Variants in CTNNA2 observed in about 807,000 individuals in gnomAD.
The protein encoded by CTNNA2 is catenin alpha 2, also known as catenin alpha-2.
A neutral mutation model predicts 101.0 loss-of-function variants in CTNNA2; 42 were observed. The ratio of observed to expected loss-of-function variants is 0.42; its 90% confidence interval spans 0.32 to 0.54. The LOEUF (loss-of-function observed/expected upper bound fraction) is 0.54, where lower values mean the gene tolerates loss of function less well. Among genes scored for constraint, CTNNA2 ranks in the 20% least tolerant of loss-of-function variants. The pLI is 0.14. For synonymous variants in CTNNA2, 450 were observed against 456.4 expected, an observed-to-expected ratio of 0.99 and a Z score of 0.18; for missense variants, 871 against 1,223.1, an observed-to-expected ratio of 0.71 and a Z score of 4.29.
intron 7 of CTNNA2, chr2:80,313,745 T>C (rs1403074745): frequency 1.1e-6 from 1 of 926,868 alleles, no homozygotes; most frequent in African/African-American, 1.7e-5. Flanking sequence ...AAAATGTGAG[T>C]ACAAGGAATA....
At chr2:80,605,657 C>A (rs1697938386) in intron 16 of CTNNA2, 1 of 151,926 alleles carries the variant, frequency 6.6e-6, no homozygotes, top group African/African-American at 2.4e-5. Context: ...CAAATTCACA[C>A]ACCTTTAAAG....
In CTNNA2 at chr2:79,589,717, T is replaced by C. The variant is rs62140066; in HGVS notation, c.-5-61835T>C. On this transcript the variant is annotated intron_variant, in intron 1 of 18. Transcript: ENST00000402739. ...GCAGCATTTTCCAGATCTTTTTTTTTCCCCCCCCCGAGACACGAATTTACT... is the reference window on the plus strand; with the variant it reads ...GCAGCATTTTCCAGATCTTTTTTTTCCCCCCCCCCGAGACACGAATTTACT... Among the ~76,000 whole-genome samples the C allele has an allele frequency of 4.6e-3, 258 of 56,522 alleles. 2 individuals carry two copies. The highest frequency in any genetic ancestry group is 0.026 in the East Asian group (56 of 2,174). 37.1% of individuals were successfully genotyped at this position (56,522 alleles called of 152,430 possible).
At chr2:79,868,484 T>G (rs1682318142) in intron 4 of CTNNA2, among the ~76,000 whole-genome samples, 1 of 152,268 alleles carries the variant, frequency 6.6e-6, no homozygotes, top group African/African-American at 2.4e-5. Context: ...TCTCTTCCTT[T>G]GCTCAGTGCA....
Position 79,809,990 on chromosome 2 carries a change from C to T in CTNNA2, c.299-48023C>T, listed in dbSNP as rs115205626. Among the ~76,000 whole-genome samples, 824 of 152,160 alleles carry T rather than the reference C, an allele frequency of 5.4e-3. 9 individuals carry two copies. The highest frequency in any genetic ancestry group is 0.019 in the African/African-American group (772 of 41,524). On this transcript the variant is annotated intron_variant, in intron 3 of 18. Transcript: ENST00000402739. ...AAAACATACCAAATAGTAAAACCAT[C>T]GACACTATAAAGAAACTGCATCAAC...
intron 7 of CTNNA2, among the ~76,000 whole-genome samples, chr2:80,255,771 A>T (rs1672093011): frequency 6.6e-6 from 1 of 152,108 alleles, no homozygotes; most frequent in Non-Finnish European, 1.5e-5. Flanking sequence ...TTTAGCTGAA[A>T]TGTGTGTGTG....
intron 18 of CTNNA2, among the ~76,000 whole-genome samples, chr2:80,625,168 T>C (rs776730315): frequency 6.6e-6 from 1 of 152,016 alleles, no homozygotes; most frequent in African/African-American, 2.4e-5. Flanking sequence ...CCAACTCTCT[T>C]GTACAATTGA....
intron 2 of CTNNA2, among the ~76,000 whole-genome samples, chr2:79,286,618 G>C (rs1319608922): frequency 6.6e-6 from 1 of 152,188 alleles, no homozygotes; most frequent in South Asian, 2.1e-4. Flanking sequence ...TCTGCCGAGA[G>C]ATCTGCTGTT....
intron 2 of CTNNA2, among the ~76,000 whole-genome samples, chr2:79,280,839 G>A (rs2104333964): frequency 6.6e-6 from 1 of 152,046 alleles, no homozygotes; most frequent in South Asian, 2.1e-4. Flanking sequence ...GGGTGCCTGA[G>A]GATTTACAGG....
At position 79,734,883 on chromosome 2, in the gene CTNNA2, G is replaced by A. The variant is rs76935049; in HGVS notation, c.103-9504G>A. 4.4e-3 allele frequency among the ~76,000 whole-genome samples: 676 copies of A among 152,248 alleles called. 5 individuals are homozygous for A. The highest frequency in any genetic ancestry group is 0.016 in the African/African-American group (647 of 41,554). ...ATGAACAAAAATTTATGTAATGTGAGCAACAATAATATCTCATCAATAACC... is the reference window on the plus strand; with the variant it reads ...ATGAACAAAAATTTATGTAATGTGAACAACAATAATATCTCATCAATAACC... On this transcript the variant is annotated intron_variant, in intron 2 of 18. Coordinates refer to ENST00000402739, the MANE Select transcript of CTNNA2 (RefSeq NM_001282597.3).
At chr2:80,496,760 T>C (rs1687506712) in intron 9 of CTNNA2, among the ~76,000 whole-genome samples, 1 of 152,228 alleles carries the variant, frequency 6.6e-6, no homozygotes, top group African/African-American at 2.4e-5. Context: ...TTGTTATATT[T>C]GCTCAAACAA....
intron 9 of CTNNA2, among the ~76,000 whole-genome samples, chr2:80,425,105 C>CGGA (rs1680879274): frequency 6.6e-6 from 1 of 152,130 alleles, no homozygotes; most frequent in South Asian, 2.1e-4. Context: ...GAGTGACAGG[C>CGGA]GGAAGGTTAG....
At chr2:80,511,485 C>G (rs553688152) in intron 9 of CTNNA2, among the ~76,000 whole-genome samples, 1 of 152,100 alleles carries the variant, frequency 6.6e-6, no homozygotes, top group African/African-American at 2.4e-5. Context: ...CCTCTTAAAA[C>G]AGATGGTACT....
chr2:80,455,650 G>T (rs904050591), intron 9 of CTNNA2, among the ~76,000 whole-genome samples: 3 of 152,144 alleles, frequency 2.0e-5, no homozygotes, highest in African/African-American at 7.2e-5. Context: ...TTAAAGTGAA[G>T]AAAATAATAT....
chr2:80,363,453 C>A (rs1159691507), intron 7 of CTNNA2, among the ~76,000 whole-genome samples: 1 of 152,134 alleles, frequency 6.6e-6, no homozygotes, highest in Non-Finnish European at 1.5e-5. Flanking sequence ...TCAAATAAAG[C>A]CGGGCTCAGT....
intron 7 of CTNNA2, among the ~76,000 whole-genome samples, chr2:80,290,694 C>A (rs543405443): frequency 4.6e-5 from 7 of 152,154 alleles, no homozygotes; most frequent in African/African-American, 1.7e-4. Context: ...TGGTTTACCC[C>A]AAAAATTAGT....
At chr2:79,964,626 G>A (rs1689899551) in intron 7 of CTNNA2, among the ~76,000 whole-genome samples, 1 of 152,142 alleles carries the variant, frequency 6.6e-6, no homozygotes, top group African/African-American at 2.4e-5. Context: ...TTAGAGAGAG[G>A]TAAGGTAATT....
chr2:79,756,651 GA>G (rs1286649383), intron 3 of CTNNA2, among the ~76,000 whole-genome samples: 1 of 152,002 alleles, frequency 6.6e-6, no homozygotes, highest in Non-Finnish European at 1.5e-5. Flanking sequence ...TAAACTGCAA[GA>G]AAAAACTGGT....
intron 8 of CTNNA2, among the ~76,000 whole-genome samples, chr2:80,418,460 G>A (rs1380037312): frequency 6.6e-6 from 1 of 152,044 alleles, no homozygotes; most frequent in African/African-American, 2.4e-5. Flanking sequence ...CATTTTATAA[G>A]GTAAAATGTC....
chr2:80,309,028 G>A (rs1033746925), intron 7 of CTNNA2, among the ~76,000 whole-genome samples: 4 of 152,074 alleles, frequency 2.6e-5, no homozygotes, highest in South Asian at 2.1e-4. Context: ...GGTGGAGGTT[G>A]CAGTGAGCCG....
Sources: allele counts gnomAD v4.1 joint callset (sites outside exome capture counted in the v4.1 genomes callset), GRCh38; gene constraint gnomAD v4.1.1; transcripts MANE v1.5; gene names NCBI Gene and HGNC (gene_info 2026-07-23, HGNC 2026-07-21).